The following RBFOX1 variants were observed in gnomAD, a reference collection of about 807,000 sequenced individuals.
The protein encoded by RBFOX1 is RNA binding protein fox-1 homolog 1.
In RBFOX1, 8 loss-of-function variants were observed where a neutral mutation model predicts 57.7. That is an observed-to-expected ratio of 0.14 (90% CI 0.08 to 0.25). The LOEUF (loss-of-function observed/expected upper bound fraction) is 0.25, where lower values mean the gene tolerates loss of function less well. RBFOX1 is among the 10% of genes least tolerant of loss of function. RBFOX1 has a pLI of 1.00. For missense variants in RBFOX1, 611 were observed against 548.5 expected (o/e 1.11, Z -1.14); for synonymous variants, 326 against 222.4 (o/e 1.47, Z -4.15).
At chr16:5,961,667 G>T (rs2059752545) in intron 4 of RBFOX1, among the ~76,000 whole-genome samples, 1 of 152,092 alleles carries the variant, frequency 6.6e-6, no homozygotes, top group South Asian at 2.1e-4. Flanking sequence ...ATACAGGCAT[G>T]TGCCACCATG....
At chr16:7,059,488 T>A (rs1239387532) in intron 4 of RBFOX1, among the ~76,000 whole-genome samples, 1 of 152,226 alleles carries the variant, frequency 6.6e-6, no homozygotes, top group Non-Finnish European at 1.5e-5. Flanking sequence ...TATTCTCTTA[T>A]ACCTCACAGC....
At chr16:6,525,686 G>A (rs1448762095) in intron 2 of RBFOX1, among the ~76,000 whole-genome samples, 2 of 152,056 alleles carry the variant, frequency 1.3e-5, no homozygotes, top group African/African-American at 2.4e-5. Context: ...TTGTTGCTGT[G>A]TTCACTGGTG....
At chr16:7,508,928 C>G (rs936273071) in intron 4 of RBFOX1, among the ~76,000 whole-genome samples, 2 of 152,192 alleles carry the variant, frequency 1.3e-5, no homozygotes, top group African/African-American at 4.8e-5. Context: ...ATGGGACTCT[C>G]AAAACCTCTC....
intron 3 of RBFOX1, among the ~76,000 whole-genome samples, chr16:5,656,145 G>T (rs1596613526): frequency 6.6e-6 from 1 of 152,268 alleles, no homozygotes; most frequent in East Asian, 1.9e-4. Context: ...AGGGAAAGCT[G>T]GATTCCAAAC....
chr16:6,611,004 T>C (rs1042190563), intron 2 of RBFOX1, among the ~76,000 whole-genome samples: 1 of 152,180 alleles, frequency 6.6e-6, no homozygotes, highest in Non-Finnish European at 1.5e-5. Flanking sequence ...AGCACAGATA[T>C]ACTTAATACC....
chr16:6,577,012 T>C (rs2097449434), intron 2 of RBFOX1: 1 of 152,244 alleles, frequency 6.6e-6, no homozygotes, highest in African/African-American at 2.4e-5. Context: ...CCCAGTGACA[T>C]GTGGGAAGAA....
chr16:5,353,596 C>T (rs948172147), intron 1 of RBFOX1, among the ~76,000 whole-genome samples: 7 of 151,978 alleles, frequency 4.6e-5, no homozygotes, highest in Admixed American at 3.9e-4. Flanking sequence ...CATAAGTCCT[C>T]CTTGGTGCAT....
chr16:5,764,135 CTGTGGGGCAGTAGGG>C (rs112966456), intron 3 of RBFOX1, among the ~76,000 whole-genome samples: 39,000 of 152,060 alleles, frequency 0.26, 5,695 homozygotes, highest in East Asian at 0.55. Flanking sequence ...CAGGAAGATG[CTGTGGGGCAGTAGGG>C]TGTGGGTAGG....
chr16:7,488,026 G>C (rs1239632677), intron 4 of RBFOX1, among the ~76,000 whole-genome samples: 1 of 152,124 alleles, frequency 6.6e-6, no homozygotes. Context: ...TGTGAATGAA[G>C]GGGGCACCTC....
chr16:7,585,477 T>C (rs368202120), intron 6 of RBFOX1, among the ~76,000 whole-genome samples: 10 of 152,206 alleles, frequency 6.6e-5, no homozygotes, highest in Admixed American at 3.3e-4. Flanking sequence ...ATTTTCTCTT[T>C]GGTTTCTTCC....
intron 8 of RBFOX1, 32 bp from the exon 9 acceptor site, chr16:7,597,337 AAT>A: frequency 2.6e-6 from 4 of 1,533,896 alleles, no homozygotes; most frequent in Non-Finnish European, 3.6e-6. Flanking sequence ...CTGGCCCTAG[AAT>A]ATGTGCTTAC....
intron 2 of RBFOX1, among the ~76,000 whole-genome samples, chr16:6,477,863 T>A (rs986281115): frequency 2.6e-5 from 4 of 152,202 alleles, no homozygotes; most frequent in African/African-American, 7.2e-5. Context: ...AGCTTCTCCA[T>A]CAGCACTTGC....
chr16:5,329,742 G>A (rs918742191), intron 1 of RBFOX1, among the ~76,000 whole-genome samples: 3 of 152,234 alleles, frequency 2.0e-5, no homozygotes, highest in Admixed American at 6.5e-5. Flanking sequence ...GCTTACGCCT[G>A]TAATCCCAGC....
chr16:7,059,164 G>C (rs1009707221), intron 4 of RBFOX1, among the ~76,000 whole-genome samples: 1 of 152,138 alleles, frequency 6.6e-6, no homozygotes, highest in Admixed American at 6.5e-5. Flanking sequence ...CCTTGCAATT[G>C]AGCTATCAGA....
chr16:5,409,827 A>G (rs898872854), intron 1 of RBFOX1, among the ~76,000 whole-genome samples: 1 of 152,144 alleles, frequency 6.6e-6, no homozygotes, highest in Non-Finnish European at 1.5e-5. Flanking sequence ...AGGTGGGCAG[A>G]TCATGAGGTC....
At chr16:6,929,398 C>G (rs2076148285) in intron 3 of RBFOX1, among the ~76,000 whole-genome samples, 1 of 152,164 alleles carries the variant, frequency 6.6e-6, no homozygotes, top group Admixed American at 6.5e-5. Context: ...ATGACATCCA[C>G]AAGCAGTATT....
chr16:6,989,421 G>C (rs183432927), intron 3 of RBFOX1, among the ~76,000 whole-genome samples: 1 of 152,070 alleles, frequency 6.6e-6, no homozygotes, highest in East Asian at 1.9e-4. Context: ...ATTATTTAAC[G>C]GTGCAATTAG....
At chr16:5,811,453 A>T (rs1475515897) in intron 3 of RBFOX1, among the ~76,000 whole-genome samples, 8 of 143,094 alleles carry the variant, frequency 5.6e-5, no homozygotes, top group East Asian at 2.1e-4. Flanking sequence ...GGAACAAAGT[A>T]TTTTTTTTTT....
intron 3 of RBFOX1, among the ~76,000 whole-genome samples, chr16:5,663,459 C>T (rs998447518): frequency 2.6e-5 from 4 of 151,956 alleles, no homozygotes; most frequent in African/African-American, 9.7e-5. Context: ...CCCACTTCAG[C>T]CCCCGAAAAT....
Sources: gnomAD v4.1 joint callset for allele counts (sites outside exome capture counted in the v4.1 genomes callset) on GRCh38, gnomAD v4.1.1 for gene constraint, MANE v1.5 for transcripts, NCBI Gene and HGNC (gene_info 2026-07-23, HGNC 2026-07-21) for gene names.